The following SUCLG2 variants were observed in gnomAD, a reference collection of about 807,000 sequenced individuals.
SUCLG2 encodes succinate-CoA ligase GDP-forming subunit beta, also known as succinate--CoA ligase [GDP-forming] subunit beta, mitochondrial.
In SUCLG2, 42 loss-of-function variants were observed where a neutral mutation model predicts 47.9. That is an observed-to-expected ratio of 0.88 (90% CI 0.69 to 1.14). SUCLG2 has a LOEUF of 1.14. Ranked by LOEUF, SUCLG2 falls within the 50% of genes most tolerant of loss-of-function variation. The probability of loss-of-function intolerance (pLI) is 0.00; values close to 1 mark genes in which losing one functional copy is unlikely to be tolerated. For synonymous variants in SUCLG2, 195 were observed against 197.3 expected (o/e 0.99, Z 0.10); for missense variants, 571 against 525.9 (o/e 1.09, Z -0.84).
intron 2 of SUCLG2, among the ~76,000 whole-genome samples, chr3:67,607,746 T>C (rs990495251): frequency 6.6e-6 from 1 of 152,194 alleles, no homozygotes; most frequent in Non-Finnish European, 1.5e-5. Flanking sequence ...AACTGAATCA[T>C]TGGGGCAGTT....
At chr3:67,368,594 T>TTTTA (rs1236806145) in intron 10 of SUCLG2, among the ~76,000 whole-genome samples, 29 of 152,016 alleles carry the variant, frequency 1.9e-4, no homozygotes, top group African/African-American at 5.3e-4. Context: ...GGCATCTTCA[T>TTTTA]TTTATTTATT....
chr3:67,528,206 G>T lies in SUCLG2; in HGVS notation c.343C>A (p.Gln115Lys), dbSNP rs768510483. 6.2e-7 allele frequency: 1 copy of T among 1,613,618 alleles called. No homozygotes were observed. Among genetic ancestry groups the T allele is most frequent in the African/African-American group, 1.3e-5 (1 of 74,884 alleles). ...TACCCAATCATCTGTTTAGCCAGCTGTCCCACAACATTAGGGCTAAGAGAA... is the reference window on the plus strand; with the variant it reads ...TACCCAATCATCTGTTTAGCCAGCTTTCCCACAACATTAGGGCTAAGAGAA... ...HLTKDPNVVG[Q>K]LAKQMIGYNL... The change falls in exon 4 of 11, where the codon CAG becomes AAG. Residue 115 changes from glutamine (Q) to lysine (K), a missense_variant. Gln to Lys is a moderately conservative substitution (Grantham distance 53). Transcript: ENST00000307227.
intron 2 of SUCLG2, among the ~76,000 whole-genome samples, chr3:67,598,822 C>A (rs1408557205): frequency 1.3e-5 from 2 of 152,194 alleles, no homozygotes; most frequent in Admixed American, 6.5e-5. Context: ...GTAGACACTA[C>A]TGACATCCCA....
intron 10 of SUCLG2, among the ~76,000 whole-genome samples, chr3:67,377,482 GC>G (rs1553693603): frequency 6.6e-6 from 1 of 151,952 alleles, no homozygotes; most frequent in African/African-American, 2.4e-5. Context: ...CATTTCCCAG[GC>G]CCCCCTGCAT....
chr3:67,428,545 CA>C (rs1244375231), intron 9 of SUCLG2, among the ~76,000 whole-genome samples: 2 of 152,180 alleles, frequency 1.3e-5, no homozygotes, highest in Non-Finnish European at 2.9e-5. Context: ...CTCTTTCCCT[CA>C]AAAGGAATGC....
chr3:67,367,435 T>C (rs1701891670), intron 10 of SUCLG2, among the ~76,000 whole-genome samples: 1 of 152,222 alleles, frequency 6.6e-6, no homozygotes, highest in South Asian at 2.1e-4. Flanking sequence ...ATTTATCTAA[T>C]AAGTATACTC....
chr3:67,643,136 A>G (rs1469481708), intron 1 of SUCLG2, among the ~76,000 whole-genome samples: 1 of 152,142 alleles, frequency 6.6e-6, no homozygotes, highest in African/African-American at 2.4e-5. Flanking sequence ...AAAACACACT[A>G]AACAACGTGG....
At chr3:67,613,540 G>A (rs188537132) in intron 1 of SUCLG2, among the ~76,000 whole-genome samples, 36 of 152,220 alleles carry the variant, frequency 2.4e-4, no homozygotes, top group Non-Finnish European at 4.9e-4. Flanking sequence ...ATGGGGAATG[G>A]CAACATTCAA....
chr3:67,587,383 A>G (rs1708051706), intron 2 of SUCLG2, among the ~76,000 whole-genome samples: 1 of 152,254 alleles, frequency 6.6e-6, no homozygotes. Context: ...GACATGAGTG[A>G]GGGCCTATCA....
intron 9 of SUCLG2, 25 bp from the exon 10 acceptor site, chr3:67,400,876 C>G (rs1186701118): frequency 6.2e-7 from 1 of 1,611,864 alleles, no homozygotes; most frequent in South Asian, 1.1e-5. Context: ...AAAAAGTTAC[C>G]AATCAAAATG....
At chr3:67,456,448 A>C (rs1007032065) in intron 9 of SUCLG2, among the ~76,000 whole-genome samples, 1 of 152,194 alleles carries the variant, frequency 6.6e-6, no homozygotes, top group African/African-American at 2.4e-5. Context: ...CCTCATTGGA[A>C]GATTTACTGG....
chr3:67,510,339 T>G (rs193246615), intron 6 of SUCLG2, among the ~76,000 whole-genome samples: 1 of 152,256 alleles, frequency 6.6e-6, no homozygotes, highest in African/African-American at 2.4e-5. Flanking sequence ...TGAGGGCTAG[T>G]AGATATAAAC....
intron 2 of SUCLG2, among the ~76,000 whole-genome samples, chr3:67,533,498 T>C (rs551438242): frequency 6.6e-6 from 1 of 152,300 alleles, no homozygotes; most frequent in Non-Finnish European, 1.5e-5. Context: ...ATAGAATTCC[T>C]AATTGAGAAA....
At chr3:67,386,022 G>A (rs184620717) in intron 10 of SUCLG2, among the ~76,000 whole-genome samples, 225 of 152,302 alleles carry the variant, frequency 1.5e-3, no homozygotes, top group African/African-American at 5.2e-3. Context: ...AAACACAAAG[G>A]AGTGAGAAAG....
intron 10 of SUCLG2, among the ~76,000 whole-genome samples, chr3:67,381,506 A>G (rs1055743442): frequency 1.3e-5 from 2 of 152,228 alleles, no homozygotes; most frequent in African/African-American, 4.8e-5. Context: ...GCACAGAATT[A>G]CAAAGGAAAT....
intron 9 of SUCLG2, among the ~76,000 whole-genome samples, chr3:67,447,859 G>A (rs537156570): frequency 2.0e-5 from 3 of 152,250 alleles, no homozygotes; most frequent in Non-Finnish European, 2.9e-5. Context: ...CTCCTGAGTA[G>A]CTGGGATTAT....
chr3:67,463,457 T>G (rs1374075137), intron 9 of SUCLG2, among the ~76,000 whole-genome samples: 1 of 152,192 alleles, frequency 6.6e-6, no homozygotes, highest in South Asian at 2.1e-4. Context: ...CAGAGAATCA[T>G]TTTCTTTCAG....
chr3:67,550,343 T>A (rs1706980208), intron 2 of SUCLG2, among the ~76,000 whole-genome samples: 1 of 152,122 alleles, frequency 6.6e-6, no homozygotes. Flanking sequence ...TTTTTTTGTT[T>A]TTTCTTTTTT....
intron 1 of SUCLG2, among the ~76,000 whole-genome samples, chr3:67,651,585 G>T (rs1014078473): frequency 7.2e-5 from 11 of 152,128 alleles, no homozygotes; most frequent in African/African-American, 2.7e-4. Context: ...ATAAGTCAGG[G>T]GACTGGTGAC....
Sources: allele counts gnomAD v4.1 joint callset (sites outside exome capture counted in the v4.1 genomes callset), GRCh38; gene constraint gnomAD v4.1.1; transcripts MANE v1.5; gene names NCBI Gene and HGNC (gene_info 2026-07-23, HGNC 2026-07-21).